The following TENT2 variants were observed in gnomAD, a reference collection of about 807,000 sequenced individuals.
TENT2 encodes poly(A) RNA polymerase GLD2.
In TENT2, 44 loss-of-function variants were observed where a neutral mutation model predicts 72.2. That is an observed-to-expected ratio of 0.61 (90% CI 0.48 to 0.78). The LOEUF (loss-of-function observed/expected upper bound fraction) is 0.78, where lower values mean the gene tolerates loss of function less well. Ranked by LOEUF, TENT2 falls within the 30% of genes least tolerant of loss-of-function variation. The pLI is 0.00. For missense variants in TENT2, 541 were observed against 569.6 expected (o/e 0.95, Z 0.51); for synonymous variants, 212 against 192.5 (o/e 1.10, Z -0.84).
At chr5:79,624,176 A>G (rs889584125) in intron 4 of TENT2, among the ~76,000 whole-genome samples, 2 of 152,156 alleles carry the variant, frequency 1.3e-5, no homozygotes, top group Non-Finnish European at 2.9e-5. Context: ...TCTGTGGTTT[A>G]TACTTGCTGT....
intron 4 of TENT2, among the ~76,000 whole-genome samples, chr5:79,629,037 A>G (rs1480628325): frequency 6.6e-6 from 1 of 152,180 alleles, no homozygotes; most frequent in Admixed American, 6.5e-5. Flanking sequence ...AGGTAGAGAC[A>G]AAAGGAAATA....
At chr5:79,682,170 T>C (rs1822494413) in intron 14 of TENT2, 109 bp downstream of exon 14, 1 of 645,518 alleles carries the variant, frequency 1.5e-6, no homozygotes, top group Non-Finnish European at 2.6e-6. Flanking sequence ...TGTGAATCCA[T>C]TAATATAGCA....
At chr5:79,619,214 C>G (rs943665375) in intron 1 of TENT2, among the ~76,000 whole-genome samples, 2 of 152,044 alleles carry the variant, frequency 1.3e-5, no homozygotes, top group African/African-American at 2.4e-5. Flanking sequence ...CCTGTAAGAT[C>G]CAAATTCTAG....
intron 4 of TENT2, among the ~76,000 whole-genome samples, chr5:79,633,812 A>AAG (rs1777709571): frequency 6.7e-6 from 1 of 150,322 alleles, no homozygotes; most frequent in Non-Finnish European, 1.5e-5. Context: ...TGTGAAGGTT[A>AAG]TACAGTGTTA....
chr5:79,684,590 A>T (rs1290661637), intron 14 of TENT2, among the ~76,000 whole-genome samples: 2 of 152,212 alleles, frequency 1.3e-5, no homozygotes, highest in Non-Finnish European at 2.9e-5. Context: ...AAAGCTAGTA[A>T]AGATGTAAGA....
At chr5:79,647,434 A>C (rs971383398) in intron 8 of TENT2, among the ~76,000 whole-genome samples, 2 of 152,190 alleles carry the variant, frequency 1.3e-5, no homozygotes, top group Non-Finnish European at 2.9e-5. Flanking sequence ...ATGTGGATGT[A>C]GTACAAATTG....
In TENT2 at chr5:79,642,925, C is replaced by T; in HGVS notation, c.751+15C>T. On this transcript the variant is annotated intron_variant, in intron 7 of 14. Transcript: ENST00000453514. Reference sequence around the variant, plus strand: ...TACTAGACTTTGTAAGTCTGACATGCCTCAAGTTTGTATGTCACCTGACGT... The same window carrying T: ...TACTAGACTTTGTAAGTCTGACATGTCTCAAGTTTGTATGTCACCTGACGT... 6.2e-7 allele frequency: 1 copy of T among 1,605,708 alleles called. No individual in the cohort carries two copies. The highest frequency in any genetic ancestry group is 8.5e-7 in the Non-Finnish European group (1 of 1,176,754).
At chr5:79,681,065 C>T (rs1457516825) in intron 13 of TENT2, among the ~76,000 whole-genome samples, 1 of 150,652 alleles carries the variant, frequency 6.6e-6, no homozygotes, top group Non-Finnish European at 1.5e-5. Flanking sequence ...TTGTTTTTTT[C>T]CTGTCTTCTG....
chr5:79,639,915 T>C (rs1783056454), intron 4 of TENT2, among the ~76,000 whole-genome samples: 1 of 152,154 alleles, frequency 6.6e-6, no homozygotes, highest in Non-Finnish European at 1.5e-5. Flanking sequence ...CCTATGTTGA[T>C]GGCAAGAGTT....
chr5:79,619,890 CA>C (rs1156554222), intron 2 of TENT2, 103 bp from the exon 3 acceptor site: 29 of 1,473,154 alleles, frequency 2.0e-5, no homozygotes, highest in South Asian at 2.6e-5. Flanking sequence ...TATGTCGTCA[CA>C]TTTTTTTTTG....
At chr5:79,668,579 T>C (rs559464750) in intron 11 of TENT2, 1 of 219,504 alleles carries the variant, frequency 4.6e-6, no homozygotes, top group Non-Finnish European at 9.1e-6. Context: ...CTATATGGTA[T>C]TGGGTAGATC....
At chr5:79,662,909 TAGAAG>T (rs766187543) in intron 11 of TENT2, among the ~76,000 whole-genome samples, 1 of 152,222 alleles carries the variant, frequency 6.6e-6, no homozygotes, top group Non-Finnish European at 1.5e-5. Flanking sequence ...CATCTTCGAA[TAGAAG>T]CCTGTTTCAT....
At chr5:79,616,356 G>T (rs975082074) in intron 1 of TENT2, among the ~76,000 whole-genome samples, 1 of 151,588 alleles carries the variant, frequency 6.6e-6, no homozygotes. Context: ...GTGCTACCAC[G>T]CCTGGCTGAT....
intron 10 of TENT2, among the ~76,000 whole-genome samples, chr5:79,652,718 G>A (rs1236797382): frequency 6.6e-6 from 1 of 151,928 alleles, no homozygotes; most frequent in African/African-American, 2.4e-5. Context: ...TTTGATGATT[G>A]ATTTGCCCCT....
chr5:79,676,716 A>T (rs1407607868), intron 12 of TENT2, among the ~76,000 whole-genome samples: 1 of 152,192 alleles, frequency 6.6e-6, no homozygotes, highest in African/African-American at 2.4e-5. Flanking sequence ...TTAAAAGATG[A>T]TCATGTATTA....
At chr5:79,616,003 C>G (rs562881117) in intron 1 of TENT2, among the ~76,000 whole-genome samples, 14 of 152,168 alleles carry the variant, frequency 9.2e-5, no homozygotes, top group African/African-American at 3.1e-4. Context: ...ATTCCCCTGC[C>G]TCAGCCTCCC....
rs1795112284 is a variant in TENT2, at chr5:79,652,746, A to G, written c.1027+3556A>G. 2.6e-5 allele frequency among the ~76,000 whole-genome samples: 4 copies of G among 152,190 alleles called. No homozygotes were observed. The South Asian group carries it at 8.3e-4, about 32-fold the overall frequency. ...TTGCCCCTCTAAAAAAATTTGAAACATATGACATTGGCTGTTTTAGATAAT... is the reference window on the plus strand; with the variant it reads ...TTGCCCCTCTAAAAAAATTTGAAACGTATGACATTGGCTGTTTTAGATAAT... On this transcript the variant is annotated intron_variant, in intron 10 of 14. Transcript: ENST00000453514.
At chr5:79,625,007 A>G (rs1768301389) in intron 4 of TENT2, among the ~76,000 whole-genome samples, 1 of 152,212 alleles carries the variant, frequency 6.6e-6, no homozygotes, top group Non-Finnish European at 1.5e-5. Flanking sequence ...TTTGCATCCT[A>G]TCAACAGCGT....
At chr5:79,616,721 G>T (rs979579046) in intron 1 of TENT2, among the ~76,000 whole-genome samples, 1 of 152,160 alleles carries the variant, frequency 6.6e-6, no homozygotes, top group Admixed American at 6.5e-5. Flanking sequence ...AATATGACAG[G>T]ATTATTTTCT....
Sources: gnomAD v4.1 joint callset for allele counts (sites outside exome capture counted in the v4.1 genomes callset) on GRCh38, gnomAD v4.1.1 for gene constraint, MANE v1.5 for transcripts, NCBI Gene and HGNC (gene_info 2026-07-23, HGNC 2026-07-21) for gene names.